Variants in IQGAP2 observed in about 807,000 individuals in gnomAD.
IQGAP2 encodes IQ motif containing GTPase activating protein 2, also known as ras GTPase-activating-like protein IQGAP2.
IQGAP2 carries 173 observed loss-of-function variants against 201.3 expected under a neutral mutation model. The ratio of observed to expected loss-of-function variants is 0.86; its 90% CI spans 0.76 to 0.98. IQGAP2 has a LOEUF of 0.98. Among genes scored for constraint, IQGAP2 ranks in the 50% least tolerant of loss-of-function variants. The pLI is 0.00. For missense variants in IQGAP2, 1,687 were observed against 1,864.8 expected (o/e 0.90, Z 1.76); for synonymous variants, 675 against 673.9 (o/e 1.00, Z -0.03).
At chr5:76,587,739 C>T (rs935790480) in intron 5 of IQGAP2, among the ~76,000 whole-genome samples, 9 of 151,758 alleles carry the variant, frequency 5.9e-5, no homozygotes, top group Admixed American at 1.3e-4. Context: ...GTCAGGAGTT[C>T]GAGACCAGCC....
chr5:76,452,229 TTC>T (rs1308765663), intron 1 of IQGAP2, among the ~76,000 whole-genome samples: 55 of 150,820 alleles, frequency 3.6e-4, no homozygotes, highest in African/African-American at 1.3e-3. Flanking sequence ...TTTTTTTCTT[TTC>T]TTTTTTTTTT....
intron 11 of IQGAP2, among the ~76,000 whole-genome samples, chr5:76,605,703 G>C (rs574700111): frequency 6.6e-6 from 1 of 152,168 alleles, no homozygotes; most frequent in Non-Finnish European, 1.5e-5. Context: ...TCTATATTAG[G>C]GTTGTAGTAG....
At chr5:76,415,942 CAAA>C (rs11394699) in intron 1 of IQGAP2, among the ~76,000 whole-genome samples, 6 of 135,702 alleles carry the variant, frequency 4.4e-5, no homozygotes, top group Non-Finnish European at 1.6e-5. Context: ...GTAACTGTCT[CAAA>C]AAAAAAAAAA....
chr5:76,554,062 T>C (rs1312642612), intron 2 of IQGAP2, among the ~76,000 whole-genome samples: 1 of 152,184 alleles, frequency 6.6e-6, no homozygotes, highest in Non-Finnish European at 1.5e-5. Flanking sequence ...CACTCACTTG[T>C]ACAGTCAGTT....
At chr5:76,415,149 A>C (rs764611791) in intron 1 of IQGAP2, among the ~76,000 whole-genome samples, 2 of 152,228 alleles carry the variant, frequency 1.3e-5, no homozygotes, top group Non-Finnish European at 2.9e-5. Flanking sequence ...AATAGTTTTC[A>C]CCATATGCCG....
chr5:76,611,231 C>T lies in IQGAP2; in HGVS notation c.1521+48C>T, dbSNP rs772350421. 4 of 1,461,712 alleles carry T rather than the reference C, an allele frequency of 2.7e-6. No homozygotes were observed. In the East Asian group the frequency reaches 9.3e-5, roughly 34 times the overall value. 90.5% of individuals were successfully genotyped at this position (1,461,712 alleles called of 1,614,324 possible). A position where few individuals can be genotyped will look rare whatever the true frequency, so the allele number is the denominator to read the frequency against. ...CTTTTAAATTTTACAGGCTGGGTGG[C>T]AGAGGGAGAGAAGGAGGAGGATTTG... On this transcript the variant is annotated intron_variant, in intron 13 of 35. Coordinates refer to ENST00000274364, the MANE Select transcript of IQGAP2 (RefSeq NM_006633.5).
intron 11 of IQGAP2, among the ~76,000 whole-genome samples, chr5:76,605,803 C>T (rs1419945235): frequency 2.0e-5 from 3 of 152,154 alleles, no homozygotes; most frequent in Non-Finnish European, 4.4e-5. Flanking sequence ...CCCATAGTAA[C>T]TCTGAATTTT....
intron 17 of IQGAP2, among the ~76,000 whole-genome samples, chr5:76,649,995 C>T (rs1752387197): frequency 6.6e-6 from 1 of 152,212 alleles, no homozygotes; most frequent in African/African-American, 2.4e-5. Context: ...GTACCTGAGC[C>T]CCTTTTAGCC....
At position 76,683,807 on chromosome 5, in the gene IQGAP2, C is replaced by T. The variant is rs746712251; in HGVS notation, c.3795C>T (p.Asn1265=). 1.2e-6 allele frequency: 2 copies of T among 1,613,192 alleles called. No individual in the cohort carries two copies. Among genetic ancestry groups the T allele is most frequent in the African/African-American group, 1.3e-5 (1 of 75,040 alleles). ...GAGCAGTTGACCCCAATGACCCTAA[C>T]AAGGCAAATACACTAAGTCAGCTTT... ...GEGAVDPNDP[N]KANTLSQLSK... Residue 1265 remains asparagine, a synonymous_variant, in exon 30 of 36, where the codon AAC becomes AAT. Transcript: ENST00000274364.
At chr5:76,689,230 TAAAAAAAAAA>T (rs11424254) in intron 30 of IQGAP2, among the ~76,000 whole-genome samples, 6 of 86,490 alleles carry the variant, frequency 6.9e-5, no homozygotes, top group East Asian at 3.5e-4. Flanking sequence ...CAGGGATATT[TAAAAAAAAAA>T]AAAAAAAAAA....
At chr5:76,531,356 C>A (rs1031776767) in intron 2 of IQGAP2, among the ~76,000 whole-genome samples, 3 of 152,044 alleles carry the variant, frequency 2.0e-5, no homozygotes, top group East Asian at 1.9e-4. Flanking sequence ...AACTTCAAAC[C>A]CCTAGGCTCA....
intron 2 of IQGAP2, among the ~76,000 whole-genome samples, chr5:76,557,516 A>G (rs1014332343): frequency 6.6e-6 from 1 of 152,236 alleles, no homozygotes; most frequent in Non-Finnish European, 1.5e-5. Context: ...ATTGATGCCT[A>G]ATGTTAAAAA....
At chr5:76,475,791 A>G (rs879642491) in intron 2 of IQGAP2, among the ~76,000 whole-genome samples, 1 of 152,146 alleles carries the variant, frequency 6.6e-6, no homozygotes, top group Non-Finnish European at 1.5e-5. Flanking sequence ...AATAAAACTT[A>G]TATGCCTTTT....
intron 1 of IQGAP2, among the ~76,000 whole-genome samples, chr5:76,406,409 G>A (rs906123730): frequency 2.0e-5 from 3 of 152,196 alleles, no homozygotes; most frequent in Non-Finnish European, 4.4e-5. Flanking sequence ...TACAAACAAA[G>A]CTGAAACAAT....
chr5:76,501,910 T>C (rs1017357920), intron 2 of IQGAP2, among the ~76,000 whole-genome samples: 2 of 152,228 alleles, frequency 1.3e-5, no homozygotes, highest in South Asian at 4.2e-4. Flanking sequence ...CCCAAAGTGC[T>C]GGTATTACAG....
chr5:76,668,741 T>C lies in IQGAP2; in HGVS notation c.2740T>C (p.Phe914Leu), dbSNP rs1744023226. 1.2e-6 allele frequency: 2 copies of C among 1,611,800 alleles called. No homozygotes were observed. Among genetic ancestry groups the C allele is most frequent in the African/African-American group, 1.3e-5 (1 of 74,858 alleles). Reference sequence around the variant, plus strand: ...GATGCCACAGAACAAGTCCACTAAATTTATGGATACTGTTATTTTCACACT... The same window carrying C: ...GATGCCACAGAACAAGTCCACTAAACTTATGGATACTGTTATTTTCACACT... ...FQMPQNKSTK[F>L]MDTVIFTLYN... The change falls in exon 23 of 36, where the codon TTT (phenylalanine) becomes CTT (leucine). Residue 914 changes from phenylalanine (F) to leucine (L), a missense_variant. Physicochemically the swap from Phe to Leu is conservative, Grantham distance 22. Coordinates refer to ENST00000274364, the MANE Select transcript of IQGAP2 (RefSeq NM_006633.5).
intron 2 of IQGAP2, among the ~76,000 whole-genome samples, chr5:76,491,730 T>C (rs139146599): frequency 6.6e-6 from 1 of 152,218 alleles, no homozygotes; most frequent in Non-Finnish European, 1.5e-5. Context: ...CCTCTTTTTC[T>C]CTTCTCTCAC....
intron 2 of IQGAP2, among the ~76,000 whole-genome samples, chr5:76,496,793 C>T (rs936847079): frequency 1.7e-4 from 11 of 66,250 alleles, no homozygotes; most frequent in East Asian, 5.2e-4. Flanking sequence ...TTCTTTCTTT[C>T]TCTTTCTTTC....
At chr5:76,551,519 GT>G (rs1743519467) in intron 2 of IQGAP2, among the ~76,000 whole-genome samples, 1 of 111,046 alleles carries the variant, frequency 9.0e-6, no homozygotes, top group South Asian at 2.6e-4. Flanking sequence ...GGAGGTGGAG[GT>G]TGTAGCGAGC....
Sources: gnomAD v4.1 joint callset for allele counts (sites outside exome capture counted in the v4.1 genomes callset) on GRCh38, gnomAD v4.1.1 for gene constraint, MANE v1.5 for transcripts, NCBI Gene and HGNC (gene_info 2026-07-23, HGNC 2026-07-21) for gene names.